Variants in CSDC2 observed in about 807,000 individuals in gnomAD.
The protein encoded by CSDC2 is cold shock domain containing C2.
Under a neutral mutation model 15.8 loss-of-function variants are expected in CSDC2, and 8 were observed. The ratio of observed to expected loss-of-function variants is 0.51; its 90% CI spans 0.30 to 0.92. CSDC2 has a LOEUF of 0.92. CSDC2 is among the 40% of genes least tolerant of loss of function. CSDC2 has a pLI of 0.07. For synonymous variants in CSDC2, 96 were observed against 92.3 expected, an observed-to-expected ratio of 1.04 and a Z score of -0.23; for missense variants, 195 against 213.3, an observed-to-expected ratio of 0.91 and a Z score of 0.53.
At chr22:41,566,610 G>T (rs2067116473) in intron 1 of CSDC2, among the ~76,000 whole-genome samples, 1 of 144,700 alleles carries the variant, frequency 6.9e-6, no homozygotes, top group Admixed American at 6.9e-5. Flanking sequence ...CAGCCTGAGG[G>T]ACAGAGTGAG....
At position 41,571,980 on chromosome 22, in the gene CSDC2, G is replaced by A. The variant is rs1313058991; in HGVS notation, c.15G>A (p.Ser5=). 1.7e-5 allele frequency: 23 copies of A among 1,349,644 alleles called. No individual in the cohort carries two copies. Among genetic ancestry groups the A allele is most frequent in the African/African-American group, 3.1e-5 (2 of 65,378 alleles). The allele number at this position is 1,349,644 out of a possible 1,614,324, so 83.6% of individuals were successfully genotyped here. MTSE[S]TSPPVVPPLH... is the part of the protein sequence containing the mutation. ...CTGGCCCCACCATGACTTCAGAGTC[G>A]ACGTCACCCCCAGTTGTGCCCCCGC... is the stretch of plus-strand genomic sequence containing the variant. The change falls in exon 2 of 4, where the codon TCG becomes TCA. Residue 5 remains serine (S), a synonymous_variant. Transcript: ENST00000306149.
chr22:41,570,523 GC>G (rs1426739111), intron 1 of CSDC2, among the ~76,000 whole-genome samples: 1 of 152,080 alleles, frequency 6.6e-6, no homozygotes. Flanking sequence ...GGAACTCCAA[GC>G]TCTGGGGTGG....
intron 1 of CSDC2, among the ~76,000 whole-genome samples, chr22:41,563,797 C>A (rs879174206): frequency 1.3e-5 from 2 of 151,862 alleles, no homozygotes; most frequent in Admixed American, 1.3e-4. Context: ...CTAAGCCAGG[C>A]GCAGTGGCTC....
intron 1 of CSDC2, among the ~76,000 whole-genome samples, chr22:41,568,438 C>T (rs2067128111): frequency 6.6e-6 from 1 of 152,310 alleles, no homozygotes; most frequent in South Asian, 2.1e-4. Context: ...TGCGCCACCG[C>T]CATGCCTAGC....
At chr22:41,572,355 C>T (rs368583428) in intron 2 of CSDC2, among the ~76,000 whole-genome samples, 10,966 of 36,698 alleles carry the variant, frequency 0.3, 1,023 homozygotes, top group Admixed American at 0.41. Context: ...CACCCACCCA[C>T]CCACCCACCC....
At chr22:41,571,341 T>C (rs2067144142) in intron 1 of CSDC2, among the ~76,000 whole-genome samples, 1 of 151,272 alleles carries the variant, frequency 6.6e-6, no homozygotes, top group African/African-American at 2.4e-5. Context: ...GCAACAAGAG[T>C]GAGACTCTGT....
chr22:41,575,211 T>G lies in CSDC2; in HGVS notation c.*316T>G. The G allele has an allele frequency of 2.5e-6, 1 of 404,026 alleles. No individual in the cohort carries two copies. The highest frequency in any genetic ancestry group is 4.8e-5 in the East Asian group (1 of 20,642). 25.0% of individuals were successfully genotyped at this position (404,026 alleles called of 1,614,324 possible). On this transcript the variant is annotated 3_prime_UTR_variant, in exon 4 of 4. Coordinates refer to ENST00000306149, the MANE Select transcript of CSDC2 (RefSeq NM_014460.4). ...ACCCGCTCGCCCTCCTGCTTACCCG[T>G]CCCCACGGTGACTGAGCTGCGAGAG...
At chr22:41,572,187 GGGGCT>G in intron 2 of CSDC2, 46 bp downstream of exon 2, 3 of 1,260,658 alleles carry the variant, frequency 2.4e-6, no homozygotes, top group Non-Finnish European at 3.0e-6. Flanking sequence ...TGTCAGGACA[GGGGCT>G]GACCATCCCC....
chr22:41,570,587 C>G (rs754100992), intron 1 of CSDC2, among the ~76,000 whole-genome samples: 1 of 151,870 alleles, frequency 6.6e-6, no homozygotes, highest in Admixed American at 6.6e-5. Flanking sequence ...TTTGGGAGGC[C>G]GAGGGAGGTA....
intron 1 of CSDC2, among the ~76,000 whole-genome samples, chr22:41,568,635 C>T (rs183872853): frequency 6.6e-6 from 1 of 152,338 alleles, no homozygotes; most frequent in East Asian, 1.9e-4. Flanking sequence ...ACTGAGGCTG[C>T]AATGGGCGAC....
chr22:41,572,269 G>T, intron 2 of CSDC2, 128 bp downstream of exon 2: 1 of 720,948 alleles, frequency 1.4e-6, no homozygotes, highest in Admixed American at 4.4e-5. Flanking sequence ...TCCAGTAACT[G>T]GATGGATGTT....
rs2067171854 is a variant in CSDC2, at chr22:41,575,721, A to G, written c.*826A>G. ...ACAAGCCCCACTGATGCTCTGGGCC[A>G]TGCCCGGCTGACGGCTGCTGTGGAT... is the stretch of plus-strand genomic sequence containing the variant. On this transcript the variant is annotated 3_prime_UTR_variant, in exon 4 of 4. Transcript: ENST00000306149. 1 of 152,368 alleles carries G rather than the reference A, an allele frequency of 6.6e-6. No individual in the cohort carries two copies. The highest frequency in any genetic ancestry group is 2.4e-5 in the African/African-American group (1 of 41,456). The allele number at this position is 152,368 out of a possible 1,614,324, so 9.4% of individuals were successfully genotyped here. A position where few individuals can be genotyped will look rare whatever the true frequency, so the allele number is the denominator to read the frequency against.
intron 1 of CSDC2, among the ~76,000 whole-genome samples, chr22:41,565,025 G>A (rs887436816): frequency 9.2e-5 from 14 of 152,068 alleles, no homozygotes; most frequent in African/African-American, 3.4e-4. Flanking sequence ...AATTAGCTGG[G>A]CATGGTGGTG....
chr22:41,572,012 C>T lies in CSDC2; in HGVS notation c.47C>T (p.Ser16Phe). Residue 16 changes from serine (S) to phenylalanine (F), a missense_variant, in exon 2 of 4, where the codon TCC becomes TTC. Transcript: ENST00000306149. ...TSPPVVPPLH[S>F]PKSPVWPTFP... is the part of the protein sequence containing the mutation. ...CCCCCAGTTGTGCCCCCGCTCCACT[C>T]CCCCAAGTCCCCAGTCTGGCCCACC... 7.3e-7 allele frequency: 1 copy of T among 1,361,826 alleles called. No individual in the cohort carries two copies. The highest frequency in any genetic ancestry group is 1.5e-5 in the African/African-American group (1 of 65,762). The allele number at this position is 1,361,826 out of a possible 1,614,324, so 84.4% of individuals were successfully genotyped here.
At chr22:41,563,563 C>G (rs1465603056) in intron 1 of CSDC2, among the ~76,000 whole-genome samples, 1 of 152,060 alleles carries the variant, frequency 6.6e-6, no homozygotes, top group African/African-American at 2.4e-5. Context: ...TGGTCTGAGT[C>G]AGCGCAAAGC....
chr22:41,566,728 A>G (rs905344472), intron 1 of CSDC2, among the ~76,000 whole-genome samples: 2 of 151,528 alleles, frequency 1.3e-5, no homozygotes, highest in East Asian at 3.9e-4. Flanking sequence ...TCACGAGGTC[A>G]GGAGATCGAG....
chr22:41,564,417 C>T (rs1236013376), intron 1 of CSDC2, among the ~76,000 whole-genome samples: 4 of 151,948 alleles, frequency 2.6e-5, no homozygotes, highest in East Asian at 2.0e-4. Flanking sequence ...CCTGCCACCA[C>T]GCCCAGTTAA....
rs1179983020 is a variant in CSDC2, at chr22:41,575,696, A to T, written c.*801A>T. Reference sequence around the variant, plus strand: ...CTGCAGACCTCCTTTACCCTGACTCACAAGCCCCACTGATGCTCTGGGCCA... The same window carrying T: ...CTGCAGACCTCCTTTACCCTGACTCTCAAGCCCCACTGATGCTCTGGGCCA... On this transcript the variant is annotated 3_prime_UTR_variant, in exon 4 of 4. Transcript: ENST00000306149. 1 of 152,416 alleles carries T rather than the reference A, an allele frequency of 6.6e-6. No individual in the cohort carries two copies. Among genetic ancestry groups the T allele is most frequent in the African/African-American group, 2.4e-5 (1 of 41,424 alleles). 9.4% of individuals were successfully genotyped at this position (152,416 alleles called of 1,614,324 possible). A position where few individuals can be genotyped will look rare whatever the true frequency, so the allele number is the denominator to read the frequency against.
At chr22:41,572,622 C>T (rs1468733189) in intron 2 of CSDC2, among the ~76,000 whole-genome samples, 1 of 152,102 alleles carries the variant, frequency 6.6e-6, no homozygotes, top group Non-Finnish European at 1.5e-5. Flanking sequence ...TCCATTACCA[C>T]CCAGCAGGGT....
Sources: allele counts gnomAD v4.1 joint callset (sites outside exome capture counted in the v4.1 genomes callset), GRCh38; gene constraint gnomAD v4.1.1; transcripts MANE v1.5; gene names NCBI Gene and HGNC (gene_info 2026-07-23, HGNC 2026-07-21).